The following CNTNAP3B variants were observed in gnomAD, a reference collection of about 807,000 sequenced individuals.
CNTNAP3B encodes contactin-associated protein-like 3B.
A neutral mutation model predicts 108.9 loss-of-function variants in CNTNAP3B; 25 were observed. The ratio of observed to expected loss-of-function variants is 0.23; its 90% CI spans 0.17 to 0.32. The LOEUF is 0.32. CNTNAP3B is among the 10% of genes least tolerant of loss of function. CNTNAP3B has a pLI of 1.00. For synonymous variants in CNTNAP3B, 103 were observed against 473.4 expected (o/e 0.22, Z 10.16); for missense variants, 252 against 1,210.4 (o/e 0.21, Z 11.75).
chr9:41,947,476 C>G (rs1409371994), intron 13 of CNTNAP3B, among the ~76,000 whole-genome samples: 1 of 152,070 alleles, frequency 6.6e-6, no homozygotes, highest in African/African-American at 2.4e-5. Context: ...GAAAATGAAA[C>G]TACATGAAAA....
rs1307764222 is a variant in CNTNAP3B, at chr9:41,953,173, T to C, written c.2080+10A>G. On this transcript the variant is annotated intron_variant, in intron 13 of 23. Coordinates refer to ENST00000377561, the MANE Select transcript of CNTNAP3B (RefSeq NM_001201380.3). ...CGTGAGCCCCTGTAGCCTCCAGCAG[T>C]GGCGCTTACCTCGTGAGTCCGGGCG... 2.0e-6 allele frequency: 3 copies of C among 1,517,600 alleles called. No homozygotes were observed. The highest frequency in any genetic ancestry group is 2.9e-5 in the African/African-American group (2 of 70,160). The allele number at this position is 1,517,600 out of a possible 1,614,324, so 94.0% of individuals were successfully genotyped here.
intron 14 of CNTNAP3B, among the ~76,000 whole-genome samples, chr9:41,937,822 T>TG (rs1361124475): frequency 6.6e-6 from 1 of 152,114 alleles, no homozygotes; most frequent in East Asian, 1.9e-4. Context: ...GTTTCTTGTG[T>TG]TAATGTTAAT....
At chr9:41,921,531 T>A (rs1392123988) in intron 17 of CNTNAP3B, among the ~76,000 whole-genome samples, 1 of 151,894 alleles carries the variant, frequency 6.6e-6, no homozygotes, top group Non-Finnish European at 1.5e-5. Flanking sequence ...TTTAATTAGA[T>A]TGCATCCTTA....
chr9:42,032,772 G>C (rs1826543900), intron 3 of CNTNAP3B, among the ~76,000 whole-genome samples: 1 of 137,592 alleles, frequency 7.3e-6, no homozygotes, highest in African/African-American at 2.8e-5. Context: ...TTCTCGCACA[G>C]CTCTGGAGGC....
chr9:41,930,185 A>G (rs1823936305), intron 14 of CNTNAP3B, among the ~76,000 whole-genome samples: 2 of 152,288 alleles, frequency 1.3e-5, no homozygotes, highest in African/African-American at 4.8e-5. Flanking sequence ...CTACACCCTT[A>G]TAAGTAATAC....
intron 17 of CNTNAP3B, among the ~76,000 whole-genome samples, 162 bp downstream of exon 17, chr9:41,922,515 G>A (rs1823697981): frequency 6.9e-6 from 1 of 145,442 alleles, no homozygotes; most frequent in African/African-American, 2.6e-5. Context: ...TGTCACATAA[G>A]AAGCACACAG....
chr9:41,932,642 C>T (rs1460056863), intron 14 of CNTNAP3B, among the ~76,000 whole-genome samples: 3 of 152,190 alleles, frequency 2.0e-5, no homozygotes, highest in African/African-American at 7.2e-5. Flanking sequence ...GCCTCAGCCT[C>T]CAGAGTAGCT....
At chr9:41,926,201 G>A (rs1334374141) in intron 15 of CNTNAP3B, among the ~76,000 whole-genome samples, 1 of 152,252 alleles carries the variant, frequency 6.6e-6, no homozygotes, top group Non-Finnish European at 1.5e-5. Flanking sequence ...CCTCAGTGAG[G>A]TCACTCCTAT....
At chr9:42,110,509 T>G (rs1245901926) in intron 1 of CNTNAP3B, among the ~76,000 whole-genome samples, 2 of 128,338 alleles carry the variant, frequency 1.6e-5, no homozygotes, top group African/African-American at 6.3e-5. Flanking sequence ...TTATCACAGA[T>G]GTACAGAAAA....
At chr9:41,942,461 A>T (rs879807654) in intron 13 of CNTNAP3B, among the ~76,000 whole-genome samples, 14,148 of 139,002 alleles carry the variant, frequency 0.1, 81 homozygotes, top group Middle Eastern at 0.17. Context: ...ATAGAAAAAA[A>T]TTAGCCGGGC....
intron 1 of CNTNAP3B, among the ~76,000 whole-genome samples, chr9:42,111,639 G>T (rs149674490): frequency 1.4e-5 from 2 of 138,678 alleles, no homozygotes; most frequent in Middle Eastern, 3.5e-3. Context: ...TCCCTTTATT[G>T]TTCAAGCCTA....
At chr9:42,082,866 A>T (rs1406641025) in intron 2 of CNTNAP3B, among the ~76,000 whole-genome samples, 1 of 141,226 alleles carries the variant, frequency 7.1e-6, no homozygotes, top group Non-Finnish European at 1.5e-5. Context: ...AAAGGTAAGT[A>T]GTGCAAACAC....
chr9:42,119,645 G>A (rs1195540514), intron 1 of CNTNAP3B, among the ~76,000 whole-genome samples: 2 of 138,368 alleles, frequency 1.4e-5, no homozygotes, highest in African/African-American at 2.9e-5. Context: ...TAGAAAAACA[G>A]AACAGAGCCC....
At chr9:41,948,308 T>C (rs1824585491) in intron 13 of CNTNAP3B, among the ~76,000 whole-genome samples, 1 of 151,998 alleles carries the variant, frequency 6.6e-6, no homozygotes, top group Non-Finnish European at 1.5e-5. Flanking sequence ...GCCAGGCAGG[T>C]CTCGAACTCC....
At position 42,119,199 on chromosome 9, in the gene CNTNAP3B, A is replaced by T. The variant is rs28420318; in HGVS notation, c.85+9811T>A. Reference sequence around the variant, plus strand: ...ATACACCAATAACAGACAAACAGAGAGCCAAATCATGAGTGAACTCCCATT... The same window carrying T: ...ATACACCAATAACAGACAAACAGAGTGCCAAATCATGAGTGAACTCCCATT... On this transcript the variant is annotated intron_variant, in intron 1 of 23. Transcript: ENST00000377561. Among the ~76,000 whole-genome samples, 22 of 102,258 alleles carry T rather than the reference A, an allele frequency of 2.2e-4. 5 individuals carry two copies. The highest frequency in any genetic ancestry group is 9.8e-4 in the East Asian group (3 of 3,066). The allele number at this position is 102,258 out of a possible 152,430, so 67.1% of individuals were successfully genotyped here.
chr9:42,085,365 C>A, intron 2 of CNTNAP3B, among the ~76,000 whole-genome samples: 1 of 140,528 alleles, frequency 7.1e-6, no homozygotes, highest in Non-Finnish European at 1.5e-5. Context: ...CCACGACAAT[C>A]CTCCTCATTG....
intron 12 of CNTNAP3B, among the ~76,000 whole-genome samples, chr9:41,959,343 G>A (rs1215373307): frequency 3.3e-5 from 5 of 152,182 alleles, no homozygotes; most frequent in African/African-American, 9.7e-5. Flanking sequence ...ATTTATTACT[G>A]GCTATAGAGC....
intron 15 of CNTNAP3B, among the ~76,000 whole-genome samples, chr9:41,926,080 G>A (rs1349893265): frequency 9.2e-5 from 14 of 152,036 alleles, no homozygotes; most frequent in African/African-American, 3.4e-4. Flanking sequence ...GTATTCTACA[G>A]TTATCTATTA....
At chr9:41,940,048 C>T (rs868188987) in intron 13 of CNTNAP3B, among the ~76,000 whole-genome samples, 1,601 of 150,786 alleles carry the variant, frequency 0.011, no homozygotes, top group South Asian at 0.029. Flanking sequence ...AACTTGAGGA[C>T]CCACCAATAG....
Sources: gnomAD v4.1 joint callset for allele counts (sites outside exome capture counted in the v4.1 genomes callset) on GRCh38, gnomAD v4.1.1 for gene constraint, MANE v1.5 for transcripts, NCBI Gene and HGNC (gene_info 2026-07-23, HGNC 2026-07-21) for gene names.